SGCZ: variants seen among roughly 807,000 people sequenced by gnomAD.
The protein encoded by SGCZ is sarcoglycan zeta, also known as zeta-sarcoglycan.
In SGCZ, 40 loss-of-function variants were observed where a neutral mutation model predicts 41.3. The observed-to-expected ratio is 0.97, with a 90% CI of 0.75 to 1.26. The LOEUF is 1.26. SGCZ is among the 50% of genes most tolerant of loss of function. SGCZ has a pLI of 0.00. For synonymous variants in SGCZ, 206 were observed against 137.5 expected (o/e 1.50, Z -3.49); for missense variants, 552 against 369.8 (o/e 1.49, Z -4.04).
At chr8:14,107,764 G>GACTA (rs745834425) in intron 6 of SGCZ, among the ~76,000 whole-genome samples, 18 of 152,030 alleles carry the variant, frequency 1.2e-4, no homozygotes, top group African/African-American at 1.7e-4. Context: ...TCAGCCTCCT[G>GACTA]ACTAACTTGG....
chr8:14,957,216 G>A (rs1006046103), intron 1 of SGCZ, among the ~76,000 whole-genome samples: 5 of 152,022 alleles, frequency 3.3e-5, no homozygotes, highest in Non-Finnish European at 1.5e-5. Context: ...GAAACAGATG[G>A]TGATATTGTT....
At chr8:14,993,292 C>T (rs1190599564) in intron 1 of SGCZ, among the ~76,000 whole-genome samples, 1 of 152,050 alleles carries the variant, frequency 6.6e-6, no homozygotes, top group Non-Finnish European at 1.5e-5. Flanking sequence ...AAATGTTCCT[C>T]CTTATCTGCT....
chr8:14,941,977 T>C (rs1005021884), intron 1 of SGCZ, among the ~76,000 whole-genome samples: 4 of 152,052 alleles, frequency 2.6e-5, no homozygotes, highest in African/African-American at 7.2e-5. Context: ...CACTGTTCCA[T>C]GTATATCATC....
At chr8:14,993,411 A>G (rs960484856) in intron 1 of SGCZ, among the ~76,000 whole-genome samples, 15 of 152,204 alleles carry the variant, frequency 9.9e-5, no homozygotes, top group Non-Finnish European at 1.9e-4. Context: ...TCTCTGGCCC[A>G]TATAACACAA....
chr8:14,982,688 G>C (rs1322670542), intron 1 of SGCZ, among the ~76,000 whole-genome samples: 1 of 152,176 alleles, frequency 6.6e-6, no homozygotes, highest in Non-Finnish European at 1.5e-5. Flanking sequence ...TACATTGTAA[G>C]TGGTCAAATA....
chr8:14,993,344 C>A (rs1802091488), intron 1 of SGCZ, among the ~76,000 whole-genome samples: 2 of 152,022 alleles, frequency 1.3e-5, no homozygotes. Flanking sequence ...AGGATGTACC[C>A]AAAAACCACA....
chr8:14,734,212 G>C (rs535788040), intron 1 of SGCZ, among the ~76,000 whole-genome samples: 2 of 152,196 alleles, frequency 1.3e-5, no homozygotes, highest in South Asian at 2.1e-4. Context: ...AAAAGAATAC[G>C]ACAAGATTAT....
At chr8:14,593,012 T>C (rs1043643862) in intron 1 of SGCZ, among the ~76,000 whole-genome samples, 2 of 152,182 alleles carry the variant, frequency 1.3e-5, no homozygotes, top group Admixed American at 6.5e-5. Flanking sequence ...TGCCTTTACA[T>C]TGGTACTGAA....
rs139008510 is a variant in SGCZ, at chr8:15,225,406, T to C, written c.39+12179A>G. 1.0e-3 allele frequency among the ~76,000 whole-genome samples: 153 copies of C among 152,316 alleles called. 1 individual carries two copies. In the Middle Eastern group the frequency reaches 0.01, roughly 10 times the overall value. ...AAGATGTATTTCAGACAAGTACTTA[T>C]GCAATATTACAACAGAGGGAGAGGA... On this transcript the variant is annotated intron_variant, in intron 1 of 7. Transcript: ENST00000382080.
intron 2 of SGCZ, among the ~76,000 whole-genome samples, chr8:14,432,914 CAAAAAAAAAAAAAAAAA>C (rs767979164): frequency 2.6e-5 from 2 of 75,604 alleles, no homozygotes; most frequent in African/African-American, 1.2e-4. Context: ...ACTGTGTCTC[CAAAAAAAAAAAAAAAAA>C]AAAAAAAAAA....
intron 2 of SGCZ, among the ~76,000 whole-genome samples, chr8:14,344,540 C>A (rs1802825702): frequency 6.6e-6 from 1 of 151,938 alleles, no homozygotes; most frequent in Non-Finnish European, 1.5e-5. Context: ...TAACGACCAA[C>A]CTACACCTTA....
chr8:14,937,529 T>C (rs1157995462), intron 1 of SGCZ, among the ~76,000 whole-genome samples: 1 of 152,052 alleles, frequency 6.6e-6, no homozygotes, highest in Admixed American at 6.6e-5. Context: ...AAGTTATCTC[T>C]TTGTTATATC....
chr8:14,144,913 A>C (rs147995071), intron 5 of SGCZ, among the ~76,000 whole-genome samples: 71 of 152,246 alleles, frequency 4.7e-4, no homozygotes, highest in Non-Finnish European at 8.5e-4. Context: ...AGGGAAGGGA[A>C]GAGTGGGAAG....
chr8:15,147,778 G>A (rs748239750), intron 1 of SGCZ, among the ~76,000 whole-genome samples: 27 of 152,194 alleles, frequency 1.8e-4, no homozygotes, highest in Non-Finnish European at 3.2e-4. Context: ...CACACTCTTC[G>A]AAGGGCACTT....
chr8:14,701,763 C>A (rs1310602835), intron 1 of SGCZ, among the ~76,000 whole-genome samples: 1 of 151,868 alleles, frequency 6.6e-6, no homozygotes, highest in Non-Finnish European at 1.5e-5. Flanking sequence ...TGACCTCTTA[C>A]CAAACCCCCT....
intron 1 of SGCZ, among the ~76,000 whole-genome samples, chr8:14,608,684 G>T (rs890775664): frequency 6.6e-6 from 1 of 151,918 alleles, no homozygotes; most frequent in African/African-American, 2.4e-5. Context: ...GGTCATGGGG[G>T]TGGATTCCTC....
intron 3 of SGCZ, among the ~76,000 whole-genome samples, chr8:14,300,263 AAAG>A (rs903476041): frequency 6.6e-5 from 10 of 151,730 alleles, no homozygotes; most frequent in Non-Finnish European, 1.2e-4. Flanking sequence ...AGGAAGGAAA[AAAG>A]AAGGAAGGAA....
chr8:14,631,861 T>C (rs913887470), intron 1 of SGCZ, among the ~76,000 whole-genome samples: 5 of 152,120 alleles, frequency 3.3e-5, no homozygotes, highest in Non-Finnish European at 5.9e-5. Context: ...AACAACTTCT[T>C]AGTCTCAATT....
intron 2 of SGCZ, among the ~76,000 whole-genome samples, chr8:14,439,841 T>G (rs1489831339): frequency 1.3e-5 from 2 of 152,008 alleles, no homozygotes; most frequent in Non-Finnish European, 2.9e-5. Context: ...CACTGCTTTC[T>G]CATCTTTTGG....
Sources: allele counts gnomAD v4.1 joint callset (sites outside exome capture counted in the v4.1 genomes callset), GRCh38; gene constraint gnomAD v4.1.1; transcripts MANE v1.5; gene names NCBI Gene and HGNC (gene_info 2026-07-23, HGNC 2026-07-21).